The following TRPS1 variants were observed in gnomAD, a reference collection of about 807,000 sequenced individuals.
TRPS1 encodes transcriptional repressor GATA binding 1.
A neutral mutation model predicts 101.2 loss-of-function variants in TRPS1; 6 were observed. That is an observed-to-expected ratio of 0.06 (90% CI 0.03 to 0.12). The LOEUF (loss-of-function observed/expected upper bound fraction) is 0.12, where lower values mean the gene tolerates loss of function less well. TRPS1 is among the 10% of genes least tolerant of loss of function. The pLI, the probability that TRPS1 is intolerant of heterozygous loss-of-function variation, is 1.00. For synonymous variants in TRPS1, 578 were observed against 589.8 expected, an observed-to-expected ratio of 0.98 and a Z score of 0.29; for missense variants, 1,363 against 1,567.0, an observed-to-expected ratio of 0.87 and a Z score of 2.20.
intron 5 of TRPS1, among the ~76,000 whole-genome samples, chr8:115,555,117 C>G (rs1816787628): frequency 6.6e-6 from 1 of 152,196 alleles, no homozygotes; most frequent in African/African-American, 2.4e-5. Context: ...CAAAGGCAAA[C>G]ACAGTTTAAC....
At chr8:115,565,945 G>C (rs1662433469) in intron 5 of TRPS1, among the ~76,000 whole-genome samples, 1 of 152,064 alleles carries the variant, frequency 6.6e-6, no homozygotes, top group Non-Finnish European at 1.5e-5. Context: ...TCAAGGTAAG[G>C]GAATTTTTAA....
chr8:115,574,568 A>G (rs1284493073), intron 5 of TRPS1, among the ~76,000 whole-genome samples: 1 of 152,192 alleles, frequency 6.6e-6, no homozygotes, highest in Non-Finnish European at 1.5e-5. Context: ...TTCTTATCTT[A>G]CAATAAACTG....
intron 5 of TRPS1, among the ~76,000 whole-genome samples, chr8:115,574,888 A>T (rs978499244): frequency 6.6e-6 from 1 of 152,126 alleles, no homozygotes; most frequent in African/African-American, 2.4e-5. Flanking sequence ...TATTCAAATA[A>T]TCATATTCAC....
At chr8:115,457,018 T>A (rs1196712828) in intron 5 of TRPS1, among the ~76,000 whole-genome samples, 3 of 152,146 alleles carry the variant, frequency 2.0e-5, no homozygotes, top group Non-Finnish European at 2.9e-5. Flanking sequence ...AGGGAACAAA[T>A]TAGACAACAT....
intron 5 of TRPS1, among the ~76,000 whole-genome samples, chr8:115,459,335 A>ATAATAATAATAAT (rs1200943621): frequency 6.6e-6 from 1 of 151,802 alleles, no homozygotes; most frequent in Non-Finnish European, 1.5e-5. Context: ...AATAATAATA[A>ATAATAATAATAAT]TAATAATAAT....
chr8:115,507,840 T>G (rs2130173737), intron 5 of TRPS1, among the ~76,000 whole-genome samples: 1 of 152,116 alleles, frequency 6.6e-6, no homozygotes, highest in South Asian at 2.1e-4. Context: ...GGCCCGAGGG[T>G]GAAGCTTCTG....
rs1461603700 is a variant in TRPS1, at chr8:115,409,602, A to G, written c.*4421T>C. ...CTAAGCAACTGCAGCACTATCAGGA[A>G]CATGTGAGCCCACTGTCTATGAAAC... On this transcript the variant is annotated 3_prime_UTR_variant, in exon 7 of 7. Coordinates refer to ENST00000395715, the MANE Select transcript of TRPS1 (RefSeq NM_014112.5). The G allele has an allele frequency of 6.6e-6, 1 of 152,122 alleles. No homozygotes were observed. The highest frequency in any genetic ancestry group is 1.5e-5 in the Non-Finnish European group (1 of 67,996). 9.4% of individuals were successfully genotyped at this position (152,122 alleles called of 1,614,324 possible). A position where few individuals can be genotyped will look rare whatever the true frequency, so the allele number is the denominator to read the frequency against.
intron 1 of TRPS1, among the ~76,000 whole-genome samples, chr8:115,639,481 T>TA (rs1437572624): frequency 6.6e-6 from 1 of 152,190 alleles, no homozygotes; most frequent in Non-Finnish European, 1.5e-5. Flanking sequence ...CATTGACTCT[T>TA]ATGCTTTAAG....
At chr8:115,616,232 T>G (rs1352306104) in intron 3 of TRPS1, among the ~76,000 whole-genome samples, 1 of 152,198 alleles carries the variant, frequency 6.6e-6, no homozygotes, top group Middle Eastern at 3.2e-3. Flanking sequence ...TGGCAGTATT[T>G]TTACAAAGTT....
chr8:115,490,052 T>TA (rs1814982744), intron 5 of TRPS1, among the ~76,000 whole-genome samples: 1 of 152,176 alleles, frequency 6.6e-6, no homozygotes, highest in African/African-American at 2.4e-5. Flanking sequence ...GGCTGATGGT[T>TA]ATCTCTACAT....
chr8:115,565,432 T>G (rs1033063070), intron 5 of TRPS1, among the ~76,000 whole-genome samples: 5 of 151,986 alleles, frequency 3.3e-5, no homozygotes, highest in African/African-American at 1.2e-4. Flanking sequence ...ATGAATTAGA[T>G]AAATGTAATA....
In TRPS1 at chr8:115,409,268, A is replaced by AAAAAAAAC. The variant is rs1287542318; in HGVS notation, c.*4754_*4755insGTTTTTTT. On this transcript the variant is annotated 3_prime_UTR_variant, in exon 7 of 7. Coordinates refer to ENST00000395715, the MANE Select transcript of TRPS1 (RefSeq NM_014112.5). ...CTGCAGTTTATATGTTGGGAAAAAA[A>AAAAAAAAC]AAAAAAAAAAAAACAGGGGAAAACC... 2.4e-4 allele frequency: 36 copies of AAAAAAAAC among 149,258 alleles called. No homozygotes were observed. Among genetic ancestry groups the AAAAAAAAC allele is most frequent in the Admixed American group, 2.2e-3 (33 of 14,866 alleles). 9.2% of individuals were successfully genotyped at this position (149,258 alleles called of 1,614,324 possible).
At chr8:115,430,128 A>G (rs1813283256) in intron 5 of TRPS1, among the ~76,000 whole-genome samples, 1 of 152,172 alleles carries the variant, frequency 6.6e-6, no homozygotes, top group Admixed American at 6.5e-5. Flanking sequence ...ACTCTTCATC[A>G]TAAGAGGAAC....
intron 5 of TRPS1, chr8:115,509,622 C>A (rs1379207267): frequency 2.0e-5 from 3 of 151,896 alleles, no homozygotes; most frequent in African/African-American, 7.2e-5. Context: ...GTAACCAAAC[C>A]AGAATTTGCA....
chr8:115,558,328 A>G (rs1441669594), intron 5 of TRPS1, among the ~76,000 whole-genome samples: 4 of 152,172 alleles, frequency 2.6e-5, no homozygotes, highest in Non-Finnish European at 5.9e-5. Context: ...CTGGCGTTCA[A>G]TCAAAGCTCT....
intron 5 of TRPS1, among the ~76,000 whole-genome samples, chr8:115,500,470 C>G (rs1815288517): frequency 6.6e-6 from 1 of 152,314 alleles, no homozygotes; most frequent in Middle Eastern, 3.4e-3. Flanking sequence ...TATAATCCAT[C>G]CTTACTGAAT....
chr8:115,506,497 T>A (rs893376539), intron 5 of TRPS1, among the ~76,000 whole-genome samples: 1 of 152,128 alleles, frequency 6.6e-6, no homozygotes, highest in Non-Finnish European at 1.5e-5. Context: ...TATGAAACTA[T>A]CTTGTTATTG....
intron 2 of TRPS1, among the ~76,000 whole-genome samples, chr8:115,620,529 T>C (rs1818371122): frequency 6.6e-6 from 1 of 152,202 alleles, no homozygotes; most frequent in African/African-American, 2.4e-5. Context: ...ATTTATATGG[T>C]ACATATATGT....
chr8:115,438,616 A>G (rs1313378133), intron 5 of TRPS1, among the ~76,000 whole-genome samples: 3 of 152,186 alleles, frequency 2.0e-5, no homozygotes, highest in South Asian at 2.1e-4. Flanking sequence ...TAAACAACAA[A>G]TGATCTCTAA....
Sources: gnomAD v4.1 joint callset for allele counts (sites outside exome capture counted in the v4.1 genomes callset) on GRCh38, gnomAD v4.1.1 for gene constraint, MANE v1.5 for transcripts, NCBI Gene and HGNC (gene_info 2026-07-23, HGNC 2026-07-21) for gene names.